Variants in MAD1L1 observed in about 807,000 individuals in gnomAD.
MAD1L1 encodes mitotic spindle assembly checkpoint protein MAD1.
In MAD1L1, 95 loss-of-function variants were observed where a neutral mutation model predicts 96.9. That is an observed-to-expected ratio of 0.98 (90% CI 0.83 to 1.16). The LOEUF is 1.16. Ranked by LOEUF, MAD1L1 falls within the 50% of genes most tolerant of loss-of-function variation. The probability of loss-of-function intolerance (pLI) is 0.00; values close to 1 mark genes in which losing one functional copy is unlikely to be tolerated. For synonymous variants in MAD1L1, 473 were observed against 396.6 expected (o/e 1.19, Z -2.29); for missense variants, 1,007 against 954.4 (o/e 1.06, Z -0.73).
chr7:1,887,429 G>GTGCA (rs1786136962), intron 18 of MAD1L1, among the ~76,000 whole-genome samples: 4 of 150,432 alleles, frequency 2.7e-5, no homozygotes, highest in African/African-American at 9.8e-5. Flanking sequence ...GTGTGCATGC[G>GTGCA]TGCATGTGGC....
chr7:1,868,582 G>T (rs1390790395), intron 18 of MAD1L1, among the ~76,000 whole-genome samples: 1 of 151,918 alleles, frequency 6.6e-6, no homozygotes, highest in African/African-American at 2.4e-5. Flanking sequence ...ATCATCCTGG[G>T]GTCCTGGGAT....
chr7:1,900,721 G>A (rs1394701816), intron 17 of MAD1L1, among the ~76,000 whole-genome samples: 1 of 152,208 alleles, frequency 6.6e-6, no homozygotes, highest in Non-Finnish European at 1.5e-5. Context: ...GCCTTTGATA[G>A]ATCTCAGGCG....
intron 11 of MAD1L1, among the ~76,000 whole-genome samples, chr7:2,073,451 C>T (rs1055903916): frequency 6.6e-6 from 1 of 152,184 alleles, no homozygotes; most frequent in Non-Finnish European, 1.5e-5. Context: ...CCAACCCCCT[C>T]CTCTTGCCCC....
intron 17 of MAD1L1, among the ~76,000 whole-genome samples, chr7:1,910,673 G>A (rs1787957684): frequency 6.6e-6 from 1 of 152,228 alleles, no homozygotes; most frequent in Non-Finnish European, 1.5e-5. Flanking sequence ...GTTTGCCCGT[G>A]TCCTGGCCTC....
At chr7:2,000,120 G>A (rs541983762) in intron 14 of MAD1L1, among the ~76,000 whole-genome samples, 1 of 152,108 alleles carries the variant, frequency 6.6e-6, no homozygotes, top group African/African-American at 2.4e-5. Context: ...CCAACGTGTG[G>A]CAGGCGTGAG....
Position 1,903,273 on chromosome 7 carries a change from C to A in MAD1L1, c.1808-4883G>T, listed in dbSNP as rs539594000. On this transcript the variant is annotated intron_variant, in intron 17 of 18. Coordinates refer to ENST00000265854, the MANE Select transcript of MAD1L1 (RefSeq NM_001013836.2). The stretch of plus-strand genomic sequence containing the variant: ...CAGTGGCCTACGGAAGACACTCTTG[C>A]GGAATTCATGATTGATGAAGCACTG... 6.2e-5 allele frequency among the ~76,000 whole-genome samples: 9 copies of A among 145,364 alleles called. No individual in the cohort carries two copies. The East Asian group carries it at 1.5e-3, about 23-fold the overall frequency.
At chr7:2,226,978 G>A (rs1793933522) in intron 3 of MAD1L1, among the ~76,000 whole-genome samples, 2 of 140,610 alleles carry the variant, frequency 1.4e-5, no homozygotes, top group Admixed American at 1.4e-4. Flanking sequence ...CAGGGCAAGA[G>A]TTCGTCTCAA....
intron 11 of MAD1L1, among the ~76,000 whole-genome samples, chr7:2,077,534 C>T (rs1480243285): frequency 6.6e-6 from 1 of 152,198 alleles, no homozygotes; most frequent in Non-Finnish European, 1.5e-5. Flanking sequence ...ACACAGGTGA[C>T]ACGTTCCATG....
intron 15 of MAD1L1, among the ~76,000 whole-genome samples, chr7:1,979,832 C>T (rs922056667): frequency 1.3e-5 from 2 of 152,216 alleles, no homozygotes; most frequent in African/African-American, 4.8e-5. Flanking sequence ...GCCATGCAGC[C>T]CCTGCGGCTG....
In MAD1L1 at chr7:2,073,727, C is replaced by G. The variant is rs901514475; in HGVS notation, c.1074-4389G>C. Among the ~76,000 whole-genome samples, 3 of 152,192 alleles carry G rather than the reference C, an allele frequency of 2.0e-5. No individual in the cohort carries two copies. The East Asian group carries it at 5.8e-4, about 29-fold the overall frequency. Reference sequence around the variant, plus strand: ...CAGAGGGTAGACAGAGGCATAGGGGCGTGGGGCTGAGCACAGGCTGGAAAA... The same window carrying G: ...CAGAGGGTAGACAGAGGCATAGGGGGGTGGGGCTGAGCACAGGCTGGAAAA... On this transcript the variant is annotated intron_variant, in intron 11 of 18. Transcript: ENST00000265854.
chr7:1,825,673 C>G (rs1319661664), intron 18 of MAD1L1, among the ~76,000 whole-genome samples: 1 of 152,258 alleles, frequency 6.6e-6, no homozygotes, highest in African/African-American at 2.4e-5. Flanking sequence ...TCACCATGCA[C>G]ACAGCTCTGC....
intron 12 of MAD1L1, among the ~76,000 whole-genome samples, chr7:2,027,843 C>T (rs1355870056): frequency 6.6e-6 from 1 of 152,188 alleles, no homozygotes; most frequent in South Asian, 2.1e-4. Context: ...CAAAGCAGCA[C>T]TGGCTATGCT....
intron 11 of MAD1L1, among the ~76,000 whole-genome samples, chr7:2,143,859 C>A (rs1053496604): frequency 6.6e-6 from 1 of 152,194 alleles, no homozygotes; most frequent in African/African-American, 2.4e-5. Context: ...AGGGCAGACC[C>A]CAACATGAAG....
intron 6 of MAD1L1, among the ~76,000 whole-genome samples, 169 bp downstream of exon 6, chr7:2,219,163 G>A (rs1584580233): frequency 6.6e-6 from 1 of 152,106 alleles, no homozygotes; most frequent in African/African-American, 2.4e-5. Flanking sequence ...CACTTTCTGG[G>A]CTCACGGTCC....
chr7:1,948,266 C>T (rs1021873626), intron 16 of MAD1L1, among the ~76,000 whole-genome samples: 34 of 152,312 alleles, frequency 2.2e-4, no homozygotes, highest in African/African-American at 7.9e-4. Flanking sequence ...AGCCAGCCTG[C>T]GAGTGAGCCC....
At chr7:1,977,019 C>G (rs1027693681) in intron 15 of MAD1L1, among the ~76,000 whole-genome samples, 1 of 152,390 alleles carries the variant, frequency 6.6e-6, no homozygotes, top group South Asian at 2.1e-4. Flanking sequence ...TTCTCCAAGT[C>G]CCCACCGGAC....
At chr7:2,202,547 C>T (rs920940110) in intron 10 of MAD1L1, among the ~76,000 whole-genome samples, 5 of 152,222 alleles carry the variant, frequency 3.3e-5, no homozygotes, top group Admixed American at 6.5e-5. Flanking sequence ...GCCCAGACCA[C>T]GAGGCATCCG....
At chr7:2,170,208 G>A (rs1332986644) in intron 10 of MAD1L1, among the ~76,000 whole-genome samples, 1 of 152,176 alleles carries the variant, frequency 6.6e-6, no homozygotes, top group Non-Finnish European at 1.5e-5. Context: ...GAGAGCCCCT[G>A]AGGAAAGAAG....
At chr7:2,195,212 C>G (rs1027656181) in intron 10 of MAD1L1, among the ~76,000 whole-genome samples, 12 of 152,170 alleles carry the variant, frequency 7.9e-5, no homozygotes, top group African/African-American at 2.9e-4. Flanking sequence ...ATAAAAACAC[C>G]TAAACTAAAA....
Sources: gnomAD v4.1 joint callset for allele counts (sites outside exome capture counted in the v4.1 genomes callset) on GRCh38, gnomAD v4.1.1 for gene constraint, MANE v1.5 for transcripts, NCBI Gene and HGNC (gene_info 2026-07-23, HGNC 2026-07-21) for gene names.